The following ZNF519 variants were observed in gnomAD, a reference collection of about 807,000 sequenced individuals.
The protein encoded by ZNF519 is similar to Zinc finger protein 85 (Zinc finger protein HPF4) (HTF1).
A neutral mutation model predicts 7.4 loss-of-function variants in ZNF519; 7 were observed. That is an observed-to-expected ratio of 0.94 (90% confidence interval 0.54 to 1.77). The LOEUF (loss-of-function observed/expected upper bound fraction) is 1.77. Among genes scored for constraint, ZNF519 ranks in the 40% most tolerant of loss-of-function variants. The pLI is 0.00. For synonymous variants in ZNF519, 179 were observed against 203.3 expected (o/e 0.88, Z 1.02); for missense variants, 586 against 623.1 (o/e 0.94, Z 0.63).
At chr18:14,113,327 G>A (rs2046230969) in intron 2 of ZNF519, among the ~76,000 whole-genome samples, 1 of 152,154 alleles carries the variant, frequency 6.6e-6, no homozygotes, top group African/African-American at 2.4e-5. Context: ...CCTTTGGAAA[G>A]GCTAGTCAGA....
At chr18:14,074,775 C>T (rs1489143071), downstream of ZNF519, 3 of 152,218 alleles carry the variant, frequency 2.0e-5, no homozygotes, top group Admixed American at 1.3e-4. Flanking sequence ...ATTTTCCTTT[C>T]TTCTTTTGAG....
intron 3 of ZNF519, chr18:14,083,045 T>A (rs1209220164): frequency 6.6e-6 from 1 of 152,168 alleles, no homozygotes; most frequent in Non-Finnish European, 1.5e-5. Context: ...CATACAAAAT[T>A]TTGTGTTTTT....
chr18:14,105,657 T>C lies in ZNF519; in HGVS notation c.883A>G (p.Lys295Glu). Reference sequence around the variant, plus strand: ...TTGTTAAAGGCTTTGTCACATTTTTTACATTTGTAAGGTTTCTCTCCAGTA... The same window carrying C: ...TTGTTAAAGGCTTTGTCACATTTTTCACATTTGTAAGGTTTCTCTCCAGTA... ...IHTGEKPYKC[K>E]KCDKAFNKSS... The change falls in exon 3 of 3, where the codon AAA becomes GAA. Residue 295 changes from lysine to glutamate, a missense_variant. By Grantham distance (56) the Lys-to-Glu change is moderately conservative. Coordinates refer to ENST00000590202, the MANE Select transcript of ZNF519 (RefSeq NM_145287.4). 2 of 1,613,412 alleles carry C rather than the reference T, an allele frequency of 1.2e-6. No individual in the cohort carries two copies. The highest frequency in any genetic ancestry group is 1.7e-6 in the Non-Finnish European group (2 of 1,179,874).
chr18:14,123,619 T>G (rs1235065137), intron 2 of ZNF519, among the ~76,000 whole-genome samples: 1 of 152,054 alleles, frequency 6.6e-6, no homozygotes, highest in East Asian at 1.9e-4. Context: ...CCCGGGAGGC[T>G]GAGGCAGAAG....
chr18:14,090,448 G>A (rs1455766229), intron 2 of ZNF519: 4 of 152,144 alleles, frequency 2.6e-5, no homozygotes, highest in Admixed American at 2.0e-4. Context: ...ACAGACGAGA[G>A]GCTAAAAATG....
At chr18:14,086,734 G>A (rs2046092044) in intron 2 of ZNF519, among the ~76,000 whole-genome samples, 2 of 152,150 alleles carry the variant, frequency 1.3e-5, no homozygotes, top group South Asian at 4.1e-4. Context: ...AGGCCAGAAC[G>A]ACAAAGCAAC....
chr18:14,120,657 T>C (rs1445585752), intron 2 of ZNF519, among the ~76,000 whole-genome samples: 1 of 152,006 alleles, frequency 6.6e-6, no homozygotes, highest in Non-Finnish European at 1.5e-5. Flanking sequence ...ATCCAAAATG[T>C]GTAAGAAACT....
Position 14,102,428 on chromosome 18 carries a change from C to G in ZNF519, c.*2489G>C, listed in dbSNP as rs185646490. The G allele has an allele frequency of 6.6e-6, 1 of 152,136 alleles. No homozygotes were observed. The highest frequency in any genetic ancestry group is 2.4e-5 in the African/African-American group (1 of 41,386). 9.4% of individuals were successfully genotyped at this position (152,136 alleles called of 1,614,324 possible). On this transcript the variant is annotated 3_prime_UTR_variant, in exon 3 of 3. Transcript: ENST00000590202. ...AGGTGATCCACCCACCTGGGCCTCC[C>G]GAAGTGCTGGGATTACAGGCATTAG...
intron 1 of ZNF519, among the ~76,000 whole-genome samples, chr18:14,131,710 C>T (rs920156293): frequency 5.9e-5 from 9 of 152,148 alleles, no homozygotes; most frequent in African/African-American, 2.2e-4. Context: ...TCCCTGATTA[C>T]ATAACCAGGA....
At position 14,099,958 on chromosome 18, in the gene ZNF519, A is replaced by C. The variant is rs1225671270; in HGVS notation, c.*4959T>G. On this transcript the variant is annotated 3_prime_UTR_variant, in exon 3 of 3. Coordinates refer to ENST00000590202, the MANE Select transcript of ZNF519 (RefSeq NM_145287.4). ...AAATGTTTTTCTTTGTGGAAAAAAA[A>C]CTTATTTATTGCCTATGTGAGCTAG... 6.6e-6 allele frequency: 1 copy of C among 152,238 alleles called. No individual in the cohort carries two copies. Among genetic ancestry groups the C allele is most frequent in the East Asian group, 1.9e-4 (1 of 5,208 alleles). The allele number at this position is 152,238 out of a possible 1,614,324, so 9.4% of individuals were successfully genotyped here.
chr18:14,097,057 T>A (rs2046139662), downstream of ZNF519, among the ~76,000 whole-genome samples: 1 of 152,122 alleles, frequency 6.6e-6, no homozygotes, highest in East Asian at 1.9e-4. Context: ...CCAACCACCT[T>A]CTCCATCAAA....
At chr18:14,109,133 A>T (rs11873884) in intron 2 of ZNF519, among the ~76,000 whole-genome samples, 143,735 of 150,024 alleles carry the variant, frequency 0.96, 69,080 homozygotes, top group East Asian at 1. Context: ...AAAAAAAAAA[A>T]AATAATAATG....
At chr18:14,098,702 C>G (rs1398120358), downstream of ZNF519, among the ~76,000 whole-genome samples, 1 of 152,178 alleles carries the variant, frequency 6.6e-6, no homozygotes, top group African/African-American at 2.4e-5. Context: ...GTCTGGAACA[C>G]TGCCAAGATT....
downstream of ZNF519, chr18:14,075,833 A>T (rs986374208): frequency 6.6e-6 from 1 of 152,048 alleles, no homozygotes; most frequent in Non-Finnish European, 1.5e-5. Context: ...TGGCAACTGA[A>T]ATTCAATATT....
intron 2 of ZNF519, among the ~76,000 whole-genome samples, chr18:14,118,844 G>C (rs141055309): frequency 2.0e-5 from 3 of 152,268 alleles, no homozygotes; most frequent in Middle Eastern, 3.4e-3. Flanking sequence ...AAGCAGCCCT[G>C]TAACTCAGTT....
chr18:14,085,291 C>A (rs992942716), intron 2 of ZNF519, among the ~76,000 whole-genome samples: 1 of 152,000 alleles, frequency 6.6e-6, no homozygotes, highest in African/African-American at 2.4e-5. Context: ...TGTTCCCTTG[C>A]CCGAGACAGA....
chr18:14,089,420 A>AT (rs1352980161), intron 2 of ZNF519, among the ~76,000 whole-genome samples: 2 of 152,050 alleles, frequency 1.3e-5, no homozygotes, highest in East Asian at 3.9e-4. Flanking sequence ...CATTCATCTG[A>AT]TTTTTTCCAT....
At chr18:14,080,024 CA>C (rs2046064084) in intron 3 of ZNF519, among the ~76,000 whole-genome samples, 1 of 150,700 alleles carries the variant, frequency 6.6e-6, no homozygotes, top group Non-Finnish European at 1.5e-5. Context: ...TCTTAAAACT[CA>C]AAAATAAGAA....
At chr18:14,113,299 AT>A (rs1226033077) in intron 2 of ZNF519, among the ~76,000 whole-genome samples, 7 of 152,188 alleles carry the variant, frequency 4.6e-5, no homozygotes, top group African/African-American at 1.7e-4. Context: ...ACTGAGATAA[AT>A]GCATACCTGA....
Sources: gnomAD v4.1 joint callset for allele counts (sites outside exome capture counted in the v4.1 genomes callset) on GRCh38, gnomAD v4.1.1 for gene constraint, MANE v1.5 for transcripts, NCBI Gene and HGNC (gene_info 2026-07-23, HGNC 2026-07-21) for gene names.